The following ARHGAP15 variants were observed in gnomAD, a reference collection of about 807,000 sequenced individuals.
The protein encoded by ARHGAP15 is rho GTPase-activating protein 15.
Under a neutral mutation model 63.7 loss-of-function variants are expected in ARHGAP15, and 51 were observed. The ratio of observed to expected loss-of-function variants is 0.80; its 90% CI spans 0.64 to 1.01. ARHGAP15 has a LOEUF of 1.01. ARHGAP15 is among the 50% of genes least tolerant of loss of function. The probability of loss-of-function intolerance (pLI) is 0.00; values close to 1 mark genes in which losing one functional copy is unlikely to be tolerated. For synonymous variants in ARHGAP15, 191 were observed against 193.8 expected, an observed-to-expected ratio of 0.99 and a Z score of 0.12; for missense variants, 560 against 564.6, an observed-to-expected ratio of 0.99 and a Z score of 0.08.
intron 6 of ARHGAP15, among the ~76,000 whole-genome samples, chr2:143,255,633 A>C (rs1004511778): frequency 5.9e-5 from 9 of 152,140 alleles, no homozygotes; most frequent in African/African-American, 1.9e-4. Flanking sequence ...CATAATTTTA[A>C]GCCAAAAGGA....
At chr2:143,140,007 T>C (rs1245656181) in intron 1 of ARHGAP15, among the ~76,000 whole-genome samples, 1 of 152,178 alleles carries the variant, frequency 6.6e-6, no homozygotes, top group Admixed American at 6.5e-5. Flanking sequence ...AGGCACATAG[T>C]AAATCACTTT....
chr2:143,707,315 CAT>C (rs1331611177), intron 13 of ARHGAP15, among the ~76,000 whole-genome samples: 2 of 152,122 alleles, frequency 1.3e-5, no homozygotes, highest in East Asian at 3.9e-4. Flanking sequence ...TCCAGTCAGC[CAT>C]AGAGATACAT....
chr2:143,179,334 A>G (rs974781622), intron 2 of ARHGAP15, among the ~76,000 whole-genome samples: 3 of 152,226 alleles, frequency 2.0e-5, no homozygotes, highest in Non-Finnish European at 4.4e-5. Context: ...TTCAAAAGCT[A>G]CAAATATCCA....
intron 12 of ARHGAP15, among the ~76,000 whole-genome samples, chr2:143,683,905 T>C (rs950275475): frequency 2.6e-5 from 4 of 152,216 alleles, no homozygotes; most frequent in Admixed American, 2.6e-4. Flanking sequence ...CTGATATTTG[T>C]CTTGATGGGA....
chr2:143,136,016 C>G (rs752408132), intron 1 of ARHGAP15, among the ~76,000 whole-genome samples: 2 of 152,076 alleles, frequency 1.3e-5, no homozygotes, highest in Non-Finnish European at 2.9e-5. Flanking sequence ...AGTGAGTATA[C>G]AGTACTCAAA....
At chr2:143,625,962 T>C (rs1698819181) in intron 12 of ARHGAP15, among the ~76,000 whole-genome samples, 1 of 152,174 alleles carries the variant, frequency 6.6e-6, no homozygotes, top group Non-Finnish European at 1.5e-5. Context: ...AGGAAAGTCA[T>C]TTTCTTAGCT....
At chr2:143,490,575 G>A (rs1282368712) in intron 9 of ARHGAP15, among the ~76,000 whole-genome samples, 2 of 152,064 alleles carry the variant, frequency 1.3e-5, no homozygotes, top group African/African-American at 2.4e-5. Flanking sequence ...CCTAGACTTG[G>A]AAACAGTCCC....
At chr2:143,401,485 A>G (rs1481979214) in intron 6 of ARHGAP15, among the ~76,000 whole-genome samples, 1 of 152,010 alleles carries the variant, frequency 6.6e-6, no homozygotes, top group Non-Finnish European at 1.5e-5. Flanking sequence ...CTTATGTACA[A>G]AACATTCTTT....
chr2:143,472,571 A>G (rs1300010553), intron 8 of ARHGAP15, among the ~76,000 whole-genome samples: 1 of 152,104 alleles, frequency 6.6e-6, no homozygotes, highest in Admixed American at 6.6e-5. Context: ...AATTATTCAT[A>G]TCCTCTTTCT....
chr2:143,362,650 A>G (rs1046122901), intron 6 of ARHGAP15, among the ~76,000 whole-genome samples: 5 of 152,244 alleles, frequency 3.3e-5, no homozygotes, highest in African/African-American at 1.2e-4. Context: ...AGACTAAACA[A>G]GAATACTTAT....
chr2:143,290,831 AAC>A (rs1682359662), intron 6 of ARHGAP15, among the ~76,000 whole-genome samples: 1 of 152,298 alleles, frequency 6.6e-6, no homozygotes, highest in African/African-American at 2.4e-5. Flanking sequence ...AAATGAGGGA[AAC>A]ACAGATTACT....
At chr2:143,306,931 G>A (rs980316899) in intron 6 of ARHGAP15, among the ~76,000 whole-genome samples, 1 of 152,088 alleles carries the variant, frequency 6.6e-6, no homozygotes, top group Admixed American at 6.6e-5. Context: ...ACACAGCCTT[G>A]CTGGGTTCTC....
chr2:143,479,427 A>G (rs1277872391), intron 8 of ARHGAP15, among the ~76,000 whole-genome samples: 5 of 151,582 alleles, frequency 3.3e-5, no homozygotes, highest in African/African-American at 1.2e-4. Context: ...GTTTTCTATC[A>G]CTAGAAGAGA....
chr2:143,651,336 T>C (rs533299458), intron 12 of ARHGAP15, among the ~76,000 whole-genome samples: 157 of 152,054 alleles, frequency 1.0e-3, no homozygotes, highest in African/African-American at 3.7e-3. Flanking sequence ...ATAATTTGCT[T>C]TTTTATCTGG....
At position 143,192,800 on chromosome 2, in the gene ARHGAP15, T is replaced by G. The variant is rs572592971; in HGVS notation, c.166-9334T>G. 1.1e-4 allele frequency among the ~76,000 whole-genome samples: 17 copies of G among 152,352 alleles called. No homozygotes were observed. The South Asian group carries it at 3.5e-3, about 32-fold the overall frequency. ...TTTTTGCCTGATTTATTTCCCTTGC[T>G]GTTGTATGTGCCTTTTTAATGCAAG... On this transcript the variant is annotated intron_variant, in intron 2 of 13. Coordinates refer to ENST00000295095, the MANE Select transcript of ARHGAP15 (RefSeq NM_018460.4).
At chr2:143,500,649 T>TC (rs1693015684) in intron 9 of ARHGAP15, among the ~76,000 whole-genome samples, 1 of 152,278 alleles carries the variant, frequency 6.6e-6, no homozygotes, top group East Asian at 1.9e-4. Context: ...GCTCAAATTT[T>TC]CCCCAAAATT....
intron 1 of ARHGAP15, among the ~76,000 whole-genome samples, chr2:143,135,459 A>T (rs1446028436): frequency 1.3e-5 from 2 of 152,302 alleles, no homozygotes; most frequent in East Asian, 3.9e-4. Context: ...AAAGAAATAG[A>T]TATGCTACTT....
At chr2:143,620,077 C>G (rs1357140142) in intron 11 of ARHGAP15, among the ~76,000 whole-genome samples, 1 of 152,110 alleles carries the variant, frequency 6.6e-6, no homozygotes, top group East Asian at 1.9e-4. Flanking sequence ...TTTATTTTAT[C>G]ATTTTGGCCT....
intron 6 of ARHGAP15, among the ~76,000 whole-genome samples, chr2:143,410,939 C>T (rs891338325): frequency 6.6e-6 from 1 of 151,808 alleles, no homozygotes; most frequent in Non-Finnish European, 1.5e-5. Context: ...CGTGATGGCT[C>T]ACGCCTGTAA....
Sources: gnomAD v4.1 joint callset for allele counts (sites outside exome capture counted in the v4.1 genomes callset) on GRCh38, gnomAD v4.1.1 for gene constraint, MANE v1.5 for transcripts, NCBI Gene and HGNC (gene_info 2026-07-23, HGNC 2026-07-21) for gene names.